The following CTRB2 variants were observed in gnomAD, a reference collection of about 807,000 sequenced individuals.
The protein encoded by CTRB2 is chymotrypsinogen B2.
In CTRB2, 9 loss-of-function variants were observed where a neutral mutation model predicts 19.3. The ratio of observed to expected loss-of-function variants is 0.47; its 90% confidence interval spans 0.28 to 0.81. CTRB2 has a LOEUF of 0.81. Among genes scored for constraint, CTRB2 ranks in the 40% least tolerant of loss-of-function variants. CTRB2 has a pLI of 0.11. For missense variants in CTRB2, 210 were observed against 269.7 expected, an observed-to-expected ratio of 0.78 and a Z score of 1.55; for synonymous variants, 98 against 117.3, an observed-to-expected ratio of 0.84 and a Z score of 1.06.
intron 1 of CTRB2, 52 bp downstream of exon 1, chr16:75,207,038 G>A (rs1193298500): frequency 3.3e-6 from 5 of 1,517,622 alleles, no homozygotes; most frequent in Non-Finnish European, 4.5e-6. Flanking sequence ...TGGCCTCGGG[G>A]CTGGGAGTGA....
rs1181189482 is a variant in CTRB2, at chr16:75,204,763, C to T, written c.630+10G>A. ...TCGCCTGGCCAGGGCCTGGGCAGGG[C>T]CAGCCTCACCATGCAGGAGGAGACG... is the stretch of plus-strand genomic sequence containing the variant. On this transcript the variant is annotated intron_variant, in intron 6 of 6. Coordinates refer to ENST00000303037, the MANE Select transcript of CTRB2 (RefSeq NM_001025200.4). The T allele has an allele frequency of 2.3e-6, 3 of 1,324,210 alleles. No individual in the cohort carries two copies. In the South Asian group the frequency reaches 4.5e-5, roughly 20 times the overall value. 82.0% of individuals were successfully genotyped at this position (1,324,210 alleles called of 1,614,324 possible). A position where few individuals can be genotyped will look rare whatever the true frequency, so the allele number is the denominator to read the frequency against.
chr16:75,204,609 A>G (rs1428331988), intron 6 of CTRB2, 164 bp downstream of exon 6: 29 of 1,376,082 alleles, frequency 2.1e-5, no homozygotes, highest in Non-Finnish European at 2.9e-5. Flanking sequence ...CCTCAGCTGC[A>G]TGGCCTGGAG....
intron 1 of CTRB2, 87 bp from the exon 2 acceptor site, chr16:75,206,280 T>G: frequency 7.2e-7 from 1 of 1,386,056 alleles, no homozygotes; most frequent in Non-Finnish European, 9.8e-7. Context: ...TCTTTTCCAG[T>G]CTCTGGGACC....
chr16:75,207,047 G>C (rs2151363979), intron 1 of CTRB2, 43 bp downstream of exon 1: 1 of 1,536,684 alleles, frequency 6.5e-7, no homozygotes, highest in Non-Finnish European at 8.8e-7. Flanking sequence ...GGCTGGGAGT[G>C]AGAGGAGAAA....
intron 6 of CTRB2, 56 bp from the exon 7 acceptor site, chr16:75,204,378 G>C (rs917991080): frequency 1.3e-6 from 2 of 1,541,920 alleles, no homozygotes; most frequent in East Asian, 2.3e-5. Flanking sequence ...GGGCCTAGGG[G>C]ACCCTGACCT....
chr16:75,204,871 G>A lies in CTRB2; in HGVS notation c.532C>T (p.Leu178=). 1 of 1,206,502 alleles carries A rather than the reference G, an allele frequency of 8.3e-7. No individual in the cohort carries two copies. The highest frequency in any genetic ancestry group is 1.2e-6 in the Non-Finnish European group (1 of 862,458). 74.7% of individuals were successfully genotyped at this position (1,206,502 alleles called of 1,614,324 possible). A position where few individuals can be genotyped will look rare whatever the true frequency, so the allele number is the denominator to read the frequency against. The change falls in exon 6 of 7, where the codon CTG becomes TTG. Residue 178 remains leucine (L), a synonymous_variant. Coordinates refer to ENST00000303037, the MANE Select transcript of CTRB2 (RefSeq NM_001025200.4). ...KTPDKLQQAA[L]PLLSNAECKK... ...CATTCGGCATTGGACAGGAGGGGCA[G>A]GGCTGCCTGCTGCAGCTTGTCAGGG...
Position 75,204,638 on chromosome 16 carries a change from G to A in CTRB2, c.630+135C>T, listed in dbSNP as rs1253012497. ...CCTGGAGGAACCCTCATGGGCGGCT[G>A]TGACCCCAAGGCCTGGCCCTCACTG... On this transcript the variant is annotated intron_variant, in intron 6 of 6. Transcript: ENST00000303037. 7 of 1,507,364 alleles carry A rather than the reference G, an allele frequency of 4.6e-6. No individual in the cohort carries two copies. The African/African-American group carries it at 6.9e-5, about 15-fold the overall frequency. 93.4% of individuals were successfully genotyped at this position (1,507,364 alleles called of 1,614,324 possible).
chr16:75,204,111 A>G lies in CTRB2; in HGVS notation c.*50T>C, dbSNP rs373214805. Reference sequence around the variant, plus strand: ...GGCAGTGCAGTCAGGGCTTCTAAACAGATGCATTTAATGGGAAATCTTAAG... The same window carrying G: ...GGCAGTGCAGTCAGGGCTTCTAAACGGATGCATTTAATGGGAAATCTTAAG... On this transcript the variant is annotated 3_prime_UTR_variant, in exon 7 of 7. Transcript: ENST00000303037. The G allele has an allele frequency of 8.7e-5, 140 of 1,611,670 alleles. No homozygotes were observed. The highest frequency in any genetic ancestry group is 1.1e-4 in the Non-Finnish European group (125 of 1,178,010).
In CTRB2 at chr16:75,207,148, G is replaced by A. The variant is rs201954326; in HGVS notation, c.-7C>T. ...GGAGCCAGAGGAAAGCCATGGTGCC[G>A]CTGGCAGGGGTGTAGGACGCCTGTC... On this transcript the variant is annotated 5_prime_UTR_variant, in exon 1 of 7. Coordinates refer to ENST00000303037, the MANE Select transcript of CTRB2 (RefSeq NM_001025200.4). The A allele has an allele frequency of 5.0e-4, 777 of 1,556,362 alleles. 1 individual carries two copies. The highest frequency in any genetic ancestry group is 2.8e-3 in the African/African-American group (207 of 73,864).
chr16:75,204,419 G>A (rs1330440443), intron 6 of CTRB2, 97 bp from the exon 7 acceptor site: 4 of 1,215,156 alleles, frequency 3.3e-6, no homozygotes, highest in African/African-American at 3.0e-5. Flanking sequence ...GCGGAGAAAT[G>A]GTAAGCATGG....
intron 6 of CTRB2, 54 bp from the exon 7 acceptor site, chr16:75,204,376 G>T: frequency 6.4e-7 from 1 of 1,561,344 alleles, no homozygotes. Flanking sequence ...CAGGGCCTAG[G>T]GGACCCTGAC....
At chr16:75,206,460 T>G (rs1240964382) in intron 1 of CTRB2, 3 of 532,992 alleles carry the variant, frequency 5.6e-6, no homozygotes, top group Non-Finnish European at 9.9e-6. Flanking sequence ...GAGCGTGCGG[T>G]GGGCGGCAGC....
chr16:75,206,759 G>A (rs989872848), intron 1 of CTRB2: 6 of 409,594 alleles, frequency 1.5e-5, no homozygotes, highest in African/African-American at 1.0e-4. Flanking sequence ...TGCTGGGGCC[G>A]CTGACTGTTT....
Position 75,207,104 on chromosome 16 carries a change from A to T in CTRB2, c.38T>A (p.Leu13Gln). The T allele has an allele frequency of 6.4e-7, 1 of 1,557,616 alleles. No homozygotes were observed. Among genetic ancestry groups the T allele is most frequent in the African/African-American group, 1.4e-5 (1 of 73,974 alleles). ...CTGGCACTCACCGAAGGTGGTACCCAGGAGGGCCCAGCAGGAGAGGAGCCA... is the reference window on the plus strand; with the variant it reads ...CTGGCACTCACCGAAGGTGGTACCCTGGAGGGCCCAGCAGGAGAGGAGCCA... ...FLWLLSCWAL[L>Q]GTTFGCGVPA... The change falls in exon 1 of 7, where the codon CTG (leucine) becomes CAG (glutamine). Residue 13 changes from leucine to glutamine, a missense_variant. Coordinates refer to ENST00000303037, the MANE Select transcript of CTRB2 (RefSeq NM_001025200.4).
At chr16:75,204,452 C>T (rs2038870848) in intron 6 of CTRB2, 130 bp from the exon 7 acceptor site, 1 of 1,001,538 alleles carries the variant, frequency 1.0e-6, no homozygotes, top group South Asian at 1.6e-5. Context: ...TGCCGGGGTC[C>T]TGAGATCTGG....
intron 1 of CTRB2, 52 bp from the exon 2 acceptor site, chr16:75,206,245 G>T (rs756323233): frequency 1.3e-6 from 2 of 1,507,484 alleles, no homozygotes; most frequent in South Asian, 2.5e-5. Flanking sequence ...AGGTCCTAAT[G>T]CTCCAGCCTC....
intron 6 of CTRB2, 42 bp from the exon 7 acceptor site, chr16:75,204,364 G>C: frequency 6.3e-7 from 1 of 1,597,972 alleles, no homozygotes; most frequent in Non-Finnish European, 8.6e-7. Context: ...TGAAAGGGGT[G>C]CCAGGGCCTA....
Position 75,206,149 on chromosome 16 carries a change from T to A in CTRB2, c.97A>T (p.Arg33Trp). ...AIHPVLSGLS[R>W]IVNGEDAVPG... ...ACGGCGTCCTCCCCATTCACGATCC[T>A]GGACAGGCCGCTGAGCACAGGGTGG... Residue 33 changes from arginine (R) to tryptophan (W), a missense_variant, in exon 2 of 7, where the codon AGG (arginine) becomes TGG (tryptophan). By Grantham distance (101) the Arg-to-Trp change is moderately radical (BLOSUM62 -3). Coordinates refer to ENST00000303037, the MANE Select transcript of CTRB2 (RefSeq NM_001025200.4). 6.4e-7 allele frequency: 1 copy of A among 1,550,820 alleles called. No homozygotes were observed. Among genetic ancestry groups the A allele is most frequent in the South Asian group, 1.2e-5 (1 of 84,116 alleles).
At chr16:75,204,388 T>G in intron 6 of CTRB2, 66 bp from the exon 7 acceptor site, 2 of 1,486,140 alleles carry the variant, frequency 1.3e-6, no homozygotes, top group Admixed American at 1.8e-5. Flanking sequence ...GACCCTGACC[T>G]GGTGGAGTCT....
Sources: allele counts gnomAD v4.1 joint callset, GRCh38; gene constraint gnomAD v4.1.1; transcripts MANE v1.5; gene names NCBI Gene and HGNC (gene_info 2026-07-23, HGNC 2026-07-21).